The following GPAM variants were observed in gnomAD, a reference collection of about 807,000 sequenced individuals.
GPAM encodes the protein glycerol-3-phosphate acyltransferase, mitochondrial.
In GPAM, 56 loss-of-function variants were observed where a neutral mutation model predicts 105.0. The observed-to-expected ratio is 0.53, with a 90% CI of 0.43 to 0.67. The LOEUF is 0.67. Ranked by LOEUF, GPAM falls within the 30% of genes least tolerant of loss-of-function variation. The pLI, the probability that GPAM is intolerant of heterozygous loss-of-function variation, is 0.00. For missense variants in GPAM, 855 were observed against 989.8 expected (o/e 0.86, Z 1.83); for synonymous variants, 368 against 354.4 (o/e 1.04, Z -0.43).
chr10:112,204,693 A>G (rs1460926869), intron 1 of GPAM, among the ~76,000 whole-genome samples: 1 of 152,008 alleles, frequency 6.6e-6, no homozygotes, highest in African/African-American at 2.4e-5. Flanking sequence ...TAGACATGCA[A>G]TAAATAAACT....
rs140631959 is a variant in GPAM at position 112,158,382 on chromosome 10, T to C, written c.1914A>G (p.Thr638=). ...CTGTTTCATGGCAGACTTGGTAAAA[T>C]GTCTGGCAAGGCTGAAAAGAAAATT... ...NEGTISLPCQ[T]FYQVCHETVG... Residue 638 remains threonine (T), a synonymous_variant, in exon 18 of 22, where the codon ACA becomes ACG. Coordinates refer to ENST00000348367, the MANE Select transcript of GPAM (RefSeq NM_001244949.2). 6.3e-4 allele frequency: 1,005 copies of C among 1,597,142 alleles called. No individual in the cohort carries two copies. Among genetic ancestry groups the C allele is most frequent in the Non-Finnish European group, 8.2e-4 (957 of 1,164,486 alleles).
At chr10:112,167,623 G>C (rs1174123213) in intron 11 of GPAM, among the ~76,000 whole-genome samples, 1 of 152,164 alleles carries the variant, frequency 6.6e-6, no homozygotes, top group Non-Finnish European at 1.5e-5. Context: ...CAGACCACAT[G>C]TTATCCAATT....
chr10:112,161,566 T>C (rs1010588696), intron 15 of GPAM, 101 bp downstream of exon 15: 2 of 858,086 alleles, frequency 2.3e-6, no homozygotes, highest in East Asian at 5.0e-5. Flanking sequence ...CTCATAGTAC[T>C]AGCCATGAGT....
chr10:112,153,424 C>CAGG lies in GPAM; in HGVS notation c.*123_*125dup. 2 of 1,592,726 alleles carry CAGG rather than the reference C, an allele frequency of 1.3e-6. No individual in the cohort carries two copies. Among genetic ancestry groups the CAGG allele is most frequent in the Non-Finnish European group, 1.7e-6 (2 of 1,174,276 alleles). On this transcript the variant is annotated 3_prime_UTR_variant, in exon 22 of 22. Coordinates refer to ENST00000348367, the MANE Select transcript of GPAM (RefSeq NM_001244949.2). ...ATGGAGGGAGAAGGCACTTGTCTTC[C>CAGG]AGGAGATCACTTCGGGACAGGGCAG...
chr10:112,198,992 G>A lies in GPAM; in HGVS notation n.211-16101C>T, dbSNP rs187146294. ...GGCTGGAGTGCAGTGGCACCATCTC[G>A]GCTCACTGCATCCTCCGCCTCCTGG... is the stretch of plus-strand genomic sequence containing the variant. On this transcript the variant is annotated intron_variant and non_coding_transcript_variant, in intron 1 of 3. Transcript: ENST00000480130. Among the ~76,000 whole-genome samples the A allele has an allele frequency of 9.9e-4, 150 of 151,558 alleles. 1 individual carries two copies. Among genetic ancestry groups the A allele is most frequent in the Admixed American group, 2.8e-3 (42 of 15,226 alleles).
intron 1 of GPAM, among the ~76,000 whole-genome samples, chr10:112,201,198 G>A (rs1258591301): frequency 6.6e-6 from 1 of 152,160 alleles, no homozygotes; most frequent in Admixed American, 6.5e-5. Flanking sequence ...AGGGTGTGAT[G>A]GGCTTGCCAC....
intron 15 of GPAM, 131 bp from the exon 16 acceptor site, chr10:112,160,999 G>A: frequency 1.3e-6 from 1 of 756,976 alleles, no homozygotes; most frequent in South Asian, 1.5e-5. Flanking sequence ...AGAGAAGTAG[G>A]GCCAGAACAC....
chr10:112,191,383 G>A (rs1477813583), intron 1 of GPAM, among the ~76,000 whole-genome samples: 1 of 152,168 alleles, frequency 6.6e-6, no homozygotes, highest in Non-Finnish European at 1.5e-5. Context: ...GAACTAGGTA[G>A]TATTTCACGC....
intron 1 of GPAM, among the ~76,000 whole-genome samples, chr10:112,197,229 A>C (rs888148015): frequency 3.9e-5 from 6 of 152,218 alleles, no homozygotes; most frequent in Non-Finnish European, 7.3e-5. Context: ...TTAACCTCCC[A>C]GAGATAAAGT....
rs866340670 is a variant in GPAM, at chr10:112,153,872, T to G, written c.2371-206A>C. Reference sequence around the variant, plus strand: ...GCAAACAAGGTTTTCTTTTTCTATTTTTTTTTTTTTGTTTTGATGGAGTTC... The same window carrying G: ...GCAAACAAGGTTTTCTTTTTCTATTGTTTTTTTTTTGTTTTGATGGAGTTC... On this transcript the variant is annotated intron_variant, in intron 21 of 21. Transcript: ENST00000348367. 1,348 of 198,468 alleles carry G rather than the reference T, an allele frequency of 6.8e-3. 13 individuals carry two copies. In the African/African-American group the frequency reaches 0.068, roughly 10 times the overall value. 12.3% of individuals were successfully genotyped at this position (198,468 alleles called of 1,614,324 possible). A position where few individuals can be genotyped will look rare whatever the true frequency, so the allele number is the denominator to read the frequency against.
chr10:112,223,417 T>G, the GPAM span, among the ~76,000 whole-genome samples: 1 of 152,218 alleles, frequency 6.6e-6, no homozygotes, highest in Non-Finnish European at 1.5e-5. Context: ...ATATGTGGTG[T>G]GTAACTCTTA....
intron 20 of GPAM, chr10:112,155,146 A>G (rs1474449052): frequency 5.0e-6 from 1 of 201,608 alleles, no homozygotes; most frequent in African/African-American, 2.4e-5. Flanking sequence ...TTACCCATTA[A>G]TTAGCAGTGT....
chr10:112,173,343 T>C (rs1304788160), intron 7 of GPAM, among the ~76,000 whole-genome samples: 1 of 152,190 alleles, frequency 6.6e-6, no homozygotes, highest in African/African-American at 2.4e-5. Context: ...CAGAAGCAAA[T>C]GACCAAGGCG....
Position 112,150,413 on chromosome 10 carries a change from C to G in GPAM, c.*3137G>C, listed in dbSNP as rs1489872833. The G allele has an allele frequency of 6.1e-6, 6 of 985,802 alleles. No homozygotes were observed. Among genetic ancestry groups the G allele is most frequent in the Non-Finnish European group, 7.2e-6 (6 of 829,892 alleles). 61.1% of individuals were successfully genotyped at this position (985,802 alleles called of 1,614,324 possible). On this transcript the variant is annotated 3_prime_UTR_variant, in exon 22 of 22. Transcript: ENST00000348367. ...CTGTTCTCTCTATCAAAGGAAAGAG[C>G]TCCGATCACCTACATTATAATTTTC...
rs1564806943 is a variant in GPAM at position 112,150,081 on chromosome 10, C to T, written c.*3469G>A. 3.0e-6 allele frequency: 3 copies of T among 984,376 alleles called. No individual in the cohort carries two copies. Among genetic ancestry groups the T allele is most frequent in the Non-Finnish European group, 3.6e-6 (3 of 828,930 alleles). 61.0% of individuals were successfully genotyped at this position (984,376 alleles called of 1,614,324 possible). ...TACCTTCCATCAAGACATTTCAGAG[C>T]TCTAGACGTTTAGAAATAAGGTCAA... is the stretch of plus-strand genomic sequence containing the variant. On this transcript the variant is annotated 3_prime_UTR_variant, in exon 22 of 22. Transcript: ENST00000348367.
At position 112,152,111 on chromosome 10, in the gene GPAM, T is replaced by C; in HGVS notation, c.*1439A>G. The stretch of plus-strand genomic sequence containing the variant: ...ACTATCAGTGTTTAAAATCCAAGCT[T>C]ATGGAAGTACAAACTTAATTCTCAG... On this transcript the variant is annotated 3_prime_UTR_variant, in exon 22 of 22. Transcript: ENST00000348367. 1.0e-6 allele frequency: 1 copy of C among 981,776 alleles called. No homozygotes were observed. The highest frequency in any genetic ancestry group is 1.2e-6 in the Non-Finnish European group (1 of 826,642). 60.8% of individuals were successfully genotyped at this position (981,776 alleles called of 1,614,324 possible).
At chr10:112,213,276 C>T (rs142376995) in intron 1 of GPAM, among the ~76,000 whole-genome samples, 62 of 152,282 alleles carry the variant, frequency 4.1e-4, no homozygotes, top group Non-Finnish European at 7.2e-4. Context: ...TGAAGTCTGC[C>T]ATTTACTGTG....
At position 112,154,664 on chromosome 10, in the gene GPAM, C is replaced by T; in HGVS notation, c.2335G>A (p.Val779Met). 1 of 1,609,680 alleles carries T rather than the reference C, an allele frequency of 6.2e-7. No homozygotes were observed. The highest frequency in any genetic ancestry group is 8.5e-7 in the Non-Finnish European group (1 of 1,175,982). Residue 779 changes from valine (V) to methionine (M), a missense_variant, in exon 21 of 22, where the codon GTG (valine) becomes ATG (methionine). By Grantham distance (21) the Val-to-Met change is conservative (BLOSUM62 1). Transcript: ENST00000348367. ...VYAESATYCLVKNAVKMFKDI... is the reference protein window; with the variant it reads ...VYAESATYCLMKNAVKMFKDI... Reference sequence around the variant, plus strand: ...TTAAACATTTTCACAGCATTCTTCACAAGACAATATGTGGCACTCTCAGCT... The same window carrying T: ...TTAAACATTTTCACAGCATTCTTCATAAGACAATATGTGGCACTCTCAGCT...
At chr10:112,198,040 A>C (rs563934358) in intron 1 of GPAM, among the ~76,000 whole-genome samples, 1 of 152,330 alleles carries the variant, frequency 6.6e-6, no homozygotes, top group East Asian at 1.9e-4. Flanking sequence ...AAGTAAACTC[A>C]ATTTATGGTT....
Sources: gnomAD v4.1 joint callset for allele counts (sites outside exome capture counted in the v4.1 genomes callset) on GRCh38, gnomAD v4.1.1 for gene constraint, MANE v1.5 for transcripts, NCBI Gene and HGNC (gene_info 2026-07-23, HGNC 2026-07-21) for gene names.